Variants in COQ7 observed in about 807,000 individuals in gnomAD.
COQ7 encodes the protein NADPH-dependent 3-demethoxyubiquinone 3-hydroxylase, mitochondrial.
In COQ7, 21 loss-of-function variants were observed where a neutral mutation model predicts 25.0. The observed-to-expected ratio is 0.84, with a 90% confidence interval of 0.60 to 1.21. COQ7 has a LOEUF of 1.21. Ranked by LOEUF, COQ7 falls within the 50% of genes most tolerant of loss-of-function variation. The pLI, the probability that COQ7 is intolerant of heterozygous loss-of-function variation, is 0.00. For synonymous variants in COQ7, 125 were observed against 112.4 expected (o/e 1.11, Z -0.71); for missense variants, 311 against 296.2 (o/e 1.05, Z -0.37).
At chr16:19,070,655 A>G (rs962988016) in intron 1 of COQ7, among the ~76,000 whole-genome samples, 1 of 152,098 alleles carries the variant, frequency 6.6e-6, no homozygotes, top group African/African-American at 2.4e-5. Context: ...AGAGGCTGAA[A>G]AAGGAGAATT....
chr16:19,079,332 T>G lies in COQ7; in HGVS notation c.*1174T>G, dbSNP rs1222977316. ...CGGGGGTGTTGCTTCCATCAAAGGATGTACTAAGTTGTGGATTATTTGTGA... is the reference window on the plus strand; with the variant it reads ...CGGGGGTGTTGCTTCCATCAAAGGAGGTACTAAGTTGTGGATTATTTGTGA... On this transcript the variant is annotated 3_prime_UTR_variant, in exon 6 of 6. Coordinates refer to ENST00000321998, the MANE Select transcript of COQ7 (RefSeq NM_016138.5). The G allele has an allele frequency of 1.3e-5, 2 of 152,174 alleles. No homozygotes were observed. Among genetic ancestry groups the G allele is most frequent in the Non-Finnish European group, 2.9e-5 (2 of 68,036 alleles). The allele number at this position is 152,174 out of a possible 1,614,324, so 9.4% of individuals were successfully genotyped here.
At chr16:19,082,119 G>T (rs559077218), downstream of COQ7, among the ~76,000 whole-genome samples, 1 of 152,060 alleles carries the variant, frequency 6.6e-6, no homozygotes, top group Non-Finnish European at 1.5e-5. Context: ...ATCAACTGAT[G>T]AACAAAATGG....
At chr16:19,072,447 A>C (rs914774486) in intron 2 of COQ7, 3 of 239,008 alleles carry the variant, frequency 1.3e-5, no homozygotes, top group East Asian at 9.5e-5. Context: ...CGTGCCAGAG[A>C]GGTATTGTAT....
chr16:19,081,918 G>A (rs536310364), downstream of COQ7, among the ~76,000 whole-genome samples: 5 of 152,130 alleles, frequency 3.3e-5, no homozygotes, highest in Non-Finnish European at 5.9e-5. Context: ...GGTTAATATA[G>A]AAATCTGGAT....
At chr16:19,082,311 A>G (rs1963112360), downstream of COQ7, among the ~76,000 whole-genome samples, 1 of 152,172 alleles carries the variant, frequency 6.6e-6, no homozygotes, top group South Asian at 2.1e-4. Context: ...AATGTACTTA[A>G]TGTCAATGGA....
chr16:19,080,678 ATATT>A (rs1203421522), downstream of COQ7, among the ~76,000 whole-genome samples: 32 of 152,048 alleles, frequency 2.1e-4, no homozygotes, highest in African/African-American at 7.7e-4. Flanking sequence ...ATTAATATAT[ATATT>A]AATATATGTT....
downstream of COQ7, among the ~76,000 whole-genome samples, chr16:19,080,869 G>C (rs1374793634): frequency 6.6e-6 from 1 of 152,094 alleles, no homozygotes; most frequent in African/African-American, 2.4e-5. Flanking sequence ...TCGTAGTCTT[G>C]TTTTGATCCT....
chr16:19,072,112 T>A lies in COQ7; in HGVS notation c.252+6T>A. ...GCGTCGGGCCAGTCATTCAGGTGGG[T>A]GCTTCTTCATCTCCCTCACCCTGGT... On this transcript the variant is annotated splice_donor_region_variant and intron_variant, in intron 2 of 5. Transcript: ENST00000321998. The A allele has an allele frequency of 6.2e-7, 1 of 1,614,054 alleles. No individual in the cohort carries two copies. The highest frequency in any genetic ancestry group is 8.5e-7 in the Non-Finnish European group (1 of 1,179,982).
At chr16:19,071,428 G>T (rs12935719) in intron 1 of COQ7, among the ~76,000 whole-genome samples, 84,763 of 152,196 alleles carry the variant, frequency 0.56, 25,324 homozygotes, top group East Asian at 0.81. Flanking sequence ...GAGCCACCGC[G>T]CCCGGACAGG....
chr16:19,068,965 G>A (rs2142356667), intron 1 of COQ7: 1 of 417,340 alleles, frequency 2.4e-6, no homozygotes, highest in South Asian at 1.7e-5. Flanking sequence ...GGGGAAATTA[G>A]CAAGTGTTGG....
intron 1 of COQ7, 150 bp downstream of exon 1, chr16:19,067,887 G>T: frequency 6.7e-7 from 1 of 1,495,126 alleles, no homozygotes; most frequent in Non-Finnish European, 8.8e-7. Flanking sequence ...GGCCTCCGGG[G>T]CGCTGGCGGG....
chr16:19,077,005 T>G (rs1962881603), intron 4 of COQ7, among the ~76,000 whole-genome samples: 1 of 152,270 alleles, frequency 6.6e-6, no homozygotes, highest in Non-Finnish European at 1.5e-5. Context: ...GGGAACTGTT[T>G]AGTTTTTTAG....
intron 1 of COQ7, chr16:19,068,153 C>T (rs946174298): frequency 1.9e-6 from 2 of 1,046,682 alleles, no homozygotes; most frequent in Non-Finnish European, 2.3e-6. Context: ...CTTCTGGGCG[C>T]TCGCTAGAAA....
chr16:19,071,682 G>C (rs1361850653), intron 1 of COQ7: 1 of 502,834 alleles, frequency 2.0e-6, no homozygotes, highest in Non-Finnish European at 3.6e-6. Context: ...CATGTTAACT[G>C]CCTGGTAAGA....
intron 1 of COQ7, among the ~76,000 whole-genome samples, chr16:19,069,112 G>A (rs1358031136): frequency 6.6e-6 from 1 of 152,078 alleles, no homozygotes; most frequent in Non-Finnish European, 1.5e-5. Context: ...TATTTTGTAG[G>A]TACCACACTG....
intron 1 of COQ7, among the ~76,000 whole-genome samples, chr16:19,070,262 A>G (rs964148658): frequency 1.4e-4 from 21 of 152,216 alleles, no homozygotes; most frequent in Middle Eastern, 3.4e-3. Context: ...AATTTCACCA[A>G]CCCACCTCAC....
chr16:19,081,733 T>C (rs1567544752), downstream of COQ7, among the ~76,000 whole-genome samples: 1 of 152,230 alleles, frequency 6.6e-6, no homozygotes, highest in African/African-American at 2.4e-5. Context: ...ACAATCCTAT[T>C]ATGATTTGTT....
At position 19,079,713 on chromosome 16, in the gene COQ7, T is replaced by A. The variant is rs748670274; in HGVS notation, c.*1555T>A. The A allele has an allele frequency of 2.6e-5, 4 of 152,194 alleles. No homozygotes were observed. The highest frequency in any genetic ancestry group is 4.4e-5 in the Non-Finnish European group (3 of 68,046). 9.4% of individuals were successfully genotyped at this position (152,194 alleles called of 1,614,324 possible). A position where few individuals can be genotyped will look rare whatever the true frequency, so the allele number is the denominator to read the frequency against. On this transcript the variant is annotated 3_prime_UTR_variant, in exon 6 of 6. Coordinates refer to ENST00000321998, the MANE Select transcript of COQ7 (RefSeq NM_016138.5). ...GGGAAAGAACCACATTTTAGGAATT[T>A]GCTTCCCACCCAGTGCCCTGCATTT...
downstream of COQ7, among the ~76,000 whole-genome samples, chr16:19,081,045 G>A (rs1463672164): frequency 2.0e-5 from 3 of 152,080 alleles, no homozygotes; most frequent in Non-Finnish European, 4.4e-5. Flanking sequence ...TGAATGGGCT[G>A]AACTAATAGA....
Sources: allele counts gnomAD v4.1 joint callset (sites outside exome capture counted in the v4.1 genomes callset), GRCh38; gene constraint gnomAD v4.1.1; transcripts MANE v1.5; gene names NCBI Gene and HGNC (gene_info 2026-07-23, HGNC 2026-07-21).